The following UCHL5 variants were observed in gnomAD, a reference collection of about 807,000 sequenced individuals.
The protein encoded by UCHL5 is ubiquitin carboxyl-terminal hydrolase isozyme L5.
Under a neutral mutation model 53.8 loss-of-function variants are expected in UCHL5, and 34 were observed. The observed-to-expected ratio is 0.63, with a 90% CI of 0.48 to 0.84. The LOEUF (loss-of-function observed/expected upper bound fraction) is 0.84. Ranked by LOEUF, UCHL5 falls within the 40% of genes least tolerant of loss-of-function variation. The probability of loss-of-function intolerance (pLI) is 0.00; values close to 1 mark genes in which losing one functional copy is unlikely to be tolerated. For synonymous variants in UCHL5, 111 were observed against 126.3 expected, an observed-to-expected ratio of 0.88 and a Z score of 0.81; for missense variants, 290 against 385.6, an observed-to-expected ratio of 0.75 and a Z score of 2.08.
intron 3 of UCHL5, 36 bp downstream of exon 3, chr1:193,049,710 G>C: frequency 6.6e-7 from 1 of 1,517,276 alleles, no homozygotes; most frequent in Non-Finnish European, 8.9e-7. Flanking sequence ...AAAAAGGGTT[G>C]CTCTTGAGAC....
At chr1:193,025,418 A>G (rs1423049590) in intron 7 of UCHL5, among the ~76,000 whole-genome samples, 1 of 152,136 alleles carries the variant, frequency 6.6e-6, no homozygotes, top group East Asian at 1.9e-4. Context: ...TAATGACAAC[A>G]CCCATTTGTG....
intron 3 of UCHL5, among the ~76,000 whole-genome samples, chr1:193,041,129 A>G (rs1384320351): frequency 6.6e-6 from 1 of 152,206 alleles, no homozygotes; most frequent in South Asian, 2.1e-4. Flanking sequence ...CAAAATAGCT[A>G]TAAGAGGATA....
chr1:193,046,675 TATAA>T lies in UCHL5; in HGVS notation c.246+3067_246+3070del, dbSNP rs897340008. ...TAATAATTTATATATTTATAGAATATATAAATAATTAAATTTATATATAAATTTA... is the reference window on the plus strand; with the variant it reads ...TAATAATTTATATATTTATAGAATATATAATTAAATTTATATATAAATTTA... On this transcript the variant is annotated intron_variant, in intron 3 of 10. Transcript: ENST00000367454. Among the ~76,000 whole-genome samples, 31 of 147,558 alleles carry T rather than the reference TATAA, an allele frequency of 2.1e-4. 1 individual carries two copies. The highest frequency in any genetic ancestry group is 2.7e-4 in the Admixed American group (4 of 14,780).
chr1:193,023,678 T>C (rs1482746661), intron 8 of UCHL5, among the ~76,000 whole-genome samples, 166 bp downstream of exon 8: 1 of 152,216 alleles, frequency 6.6e-6, no homozygotes, highest in Non-Finnish European at 1.5e-5. Context: ...CAGATTCCTA[T>C]ATCCACTAAG....
At chr1:193,019,743 T>C (rs935475403) in intron 10 of UCHL5, 4 of 494,080 alleles carry the variant, frequency 8.1e-6, no homozygotes, top group Non-Finnish European at 1.0e-5. Flanking sequence ...GGATATAGTG[T>C]AATTAAAAAT....
At chr1:193,041,944 T>C (rs72738599) in intron 3 of UCHL5, among the ~76,000 whole-genome samples, 5,971 of 152,000 alleles carry the variant, frequency 0.039, 117 homozygotes, top group Non-Finnish European at 0.045. Flanking sequence ...AGTAACATAA[T>C]GAGATTCTGT....
At position 193,014,216 on chromosome 1, in the gene UCHL5, A is replaced by G. The variant is rs1654565330; in HGVS notation, c.*2135T>C. 1 of 152,110 alleles carries G rather than the reference A, an allele frequency of 6.6e-6. No individual in the cohort carries two copies. Among genetic ancestry groups the G allele is most frequent in the African/African-American group, 2.4e-5 (1 of 41,416 alleles). The allele number at this position is 152,110 out of a possible 1,614,324, so 9.4% of individuals were successfully genotyped here. A position where few individuals can be genotyped will look rare whatever the true frequency, so the allele number is the denominator to read the frequency against. On this transcript the variant is annotated 3_prime_UTR_variant, in exon 11 of 11. Coordinates refer to ENST00000367454, the MANE Select transcript of UCHL5 (RefSeq NM_001199261.3). ...TAATTTCAAACCAGCAACATATAGC[A>G]CCCAGACAAGTCACACTTCTTTATT...
At chr1:193,051,176 C>T (rs1049010575) in intron 2 of UCHL5, among the ~76,000 whole-genome samples, 6 of 152,086 alleles carry the variant, frequency 3.9e-5, no homozygotes, top group Admixed American at 6.5e-5. Context: ...TCCTCTAGCC[C>T]TCCATTTGAA....
At chr1:193,029,680 T>A in intron 3 of UCHL5, 23 bp from the exon 4 acceptor site, 1 of 1,546,864 alleles carries the variant, frequency 6.5e-7, no homozygotes, top group South Asian at 1.2e-5. Context: ...AAAGTGAAGA[T>A]ATCAATGTGT....
At chr1:193,059,862 C>G (rs369587188), upstream of UCHL5, 3 of 1,363,934 alleles carry the variant, frequency 2.2e-6, no homozygotes, top group Admixed American at 5.7e-5. The surrounding 1 kb of genome is among the most constrained non-coding windows in gnomAD (Gnocchi z 4.9). Context: ...ATGTCTCTCA[C>G]CCGCATCCCA....
chr1:193,019,248 A>G (rs1394125679), intron 10 of UCHL5, among the ~76,000 whole-genome samples: 5 of 151,650 alleles, frequency 3.3e-5, no homozygotes, highest in African/African-American at 1.2e-4. Flanking sequence ...AATACTATTT[A>G]GCACAATACC....
chr1:193,024,690 TA>T, intron 7 of UCHL5, among the ~76,000 whole-genome samples: 1 of 151,484 alleles, frequency 6.6e-6, no homozygotes, highest in East Asian at 1.9e-4. Context: ...AAGCATCTCA[TA>T]ACAAGCTGGT....
chr1:193,021,196 C>A lies in UCHL5; in HGVS notation c.844-1G>T. On this transcript the variant is annotated splice_acceptor_variant, in intron 9 of 10. Transcript: ENST00000367454. LOFTEE classifies it high-confidence loss of function. ...TATGCTTCCTTCTGATATTCTCAAT[C>A]TGAAAATAAAACATCAATCCACACT... 2 of 1,586,372 alleles carry A rather than the reference C, an allele frequency of 1.3e-6. No individual in the cohort carries two copies. Among genetic ancestry groups the A allele is most frequent in the Non-Finnish European group, 1.7e-6 (2 of 1,157,480 alleles).
At position 193,014,387 on chromosome 1, in the gene UCHL5, T is replaced by C. The variant is rs530740389; in HGVS notation, c.*1964A>G. 6.6e-6 allele frequency: 1 copy of C among 152,266 alleles called. No homozygotes were observed. The highest frequency in any genetic ancestry group is 6.5e-5 in the Admixed American group (1 of 15,278). 9.4% of individuals were successfully genotyped at this position (152,266 alleles called of 1,614,324 possible). A position where few individuals can be genotyped will look rare whatever the true frequency, so the allele number is the denominator to read the frequency against. ...AGAAAAATCCTTATACCTATTAATA[T>C]AGTCATTTTACAAGGATATTTTTCA... On this transcript the variant is annotated 3_prime_UTR_variant, in exon 11 of 11. Transcript: ENST00000367454.
intron 3 of UCHL5, among the ~76,000 whole-genome samples, chr1:193,041,465 A>T (rs751233535): frequency 2.6e-5 from 4 of 152,234 alleles, no homozygotes; most frequent in Non-Finnish European, 5.9e-5. Context: ...AAAAATTTAA[A>T]AGCCTAGCAA....
chr1:193,032,105 A>G (rs996832107), intron 3 of UCHL5, among the ~76,000 whole-genome samples: 5 of 152,188 alleles, frequency 3.3e-5, no homozygotes, highest in African/African-American at 1.2e-4. Flanking sequence ...CAATTCACAC[A>G]TTCATGATGA....
At chr1:193,050,353 T>C (rs375450956) in intron 2 of UCHL5, among the ~76,000 whole-genome samples, 2 of 152,162 alleles carry the variant, frequency 1.3e-5, no homozygotes, top group Non-Finnish European at 2.9e-5. Flanking sequence ...AAAGGAACTG[T>C]TTTTGAGCAC....
At chr1:193,047,974 T>C (rs1667878201) in intron 3 of UCHL5, among the ~76,000 whole-genome samples, 1 of 109,834 alleles carries the variant, frequency 9.1e-6, no homozygotes, top group Non-Finnish European at 1.9e-5. Context: ...TTTTATCAAA[T>C]TTTGACCTTG....
intron 1 of UCHL5, among the ~76,000 whole-genome samples, chr1:193,058,677 T>G (rs1177129132): frequency 6.6e-6 from 1 of 152,196 alleles, no homozygotes; most frequent in African/African-American, 2.4e-5. Context: ...GAAGAGCTAT[T>G]CACACATTCA....
Sources: gnomAD v4.1 joint callset for allele counts (sites outside exome capture counted in the v4.1 genomes callset) on GRCh38, gnomAD v4.1.1 for gene constraint, Gnocchi (gnomAD v3.1) non-coding constraint, MANE v1.5 for transcripts, NCBI Gene and HGNC (gene_info 2026-07-23, HGNC 2026-07-21) for gene names.